The following BLTP3A variants were observed in gnomAD, a reference collection of about 807,000 sequenced individuals.
BLTP3A encodes the protein ICBP90 binding protein 1.
the BLTP3A span, among the ~76,000 whole-genome samples, chr6:34,826,923 A>G: frequency 6.6e-6 from 1 of 152,224 alleles, no homozygotes; most frequent in African/African-American, 2.4e-5. Context: ...GAGAAACGCT[A>G]TTTAGAGACT....
chr6:34,859,577 T>C, the BLTP3A span: 2 of 1,613,432 alleles, frequency 1.2e-6, no homozygotes, highest in Non-Finnish European at 1.7e-6. Flanking sequence ...GCCAAGTAAG[T>C]GGCTCTGTAC....
the BLTP3A span, among the ~76,000 whole-genome samples, chr6:34,842,906 G>A: frequency 7.2e-5 from 11 of 152,226 alleles, no homozygotes; most frequent in African/African-American, 2.6e-4. Context: ...TGCTTTGCTA[G>A]TGTTACTTAT....
At chr6:34,869,723 C>G in the BLTP3A span, among the ~76,000 whole-genome samples, 1 of 143,048 alleles carries the variant, frequency 7.0e-6, no homozygotes, top group Non-Finnish European at 1.5e-5. Flanking sequence ...GCAATCTCAG[C>G]CCACTGCAAC....
chr6:34,841,601 C>T, the BLTP3A span, among the ~76,000 whole-genome samples: 4 of 152,248 alleles, frequency 2.6e-5, no homozygotes, highest in Middle Eastern at 3.4e-3. Context: ...TTGGACAGTG[C>T]TGCTCTAGAG....
the BLTP3A span, among the ~76,000 whole-genome samples, chr6:34,833,379 C>G: frequency 6.6e-6 from 1 of 151,614 alleles, no homozygotes; most frequent in Non-Finnish European, 1.5e-5. Flanking sequence ...TTTCTTACCA[C>G]TACTTATGCA....
the BLTP3A span, among the ~76,000 whole-genome samples, chr6:34,828,521 A>G: frequency 6.6e-6 from 1 of 151,210 alleles, no homozygotes; most frequent in Non-Finnish European, 1.5e-5. Flanking sequence ...TAGAAGTGTG[A>G]AGAGATGTTC....
the BLTP3A span, among the ~76,000 whole-genome samples, chr6:34,822,815 C>T: frequency 4.0e-5 from 6 of 151,418 alleles, no homozygotes; most frequent in Non-Finnish European, 7.4e-5. Context: ...CGAGATCACC[C>T]TGCAGCCTGG....
the BLTP3A span, chr6:34,875,670 C>G: frequency 5.9e-5 from 9 of 152,268 alleles, 1 homozygote; most frequent in African/African-American, 2.2e-4. Context: ...TTCTGTCTTT[C>G]CTTATGTGGC....
chr6:34,854,558 T>C, the BLTP3A span, among the ~76,000 whole-genome samples: 2 of 152,200 alleles, frequency 1.3e-5, no homozygotes, highest in African/African-American at 4.8e-5. Context: ...TGTTAACATA[T>C]ATATTTGTGG....
chr6:34,808,590 T>G, the BLTP3A span, among the ~76,000 whole-genome samples: 22,095 of 151,862 alleles, frequency 0.15, 1,955 homozygotes, highest in African/African-American at 0.25. Flanking sequence ...AACACCTTTT[T>G]TTTTTTCTGT....
chr6:34,826,044 T>TA, the BLTP3A span, among the ~76,000 whole-genome samples: 1 of 149,442 alleles, frequency 6.7e-6, no homozygotes, highest in African/African-American at 2.5e-5. Context: ...TTTTTTTTTT[T>TA]TTTGAGATGG....
the BLTP3A span, chr6:34,874,225 G>C: frequency 6.6e-6 from 1 of 152,162 alleles, no homozygotes; most frequent in East Asian, 1.9e-4. Context: ...TAATCTAGAA[G>C]AGGTTTAAAA....
chr6:34,856,804 C>T, the BLTP3A span: 26 of 1,613,314 alleles, frequency 1.6e-5, no homozygotes, highest in Non-Finnish European at 2.2e-5. Context: ...TCTTTCCAGT[C>T]CTCGAAAGAA....
the BLTP3A span, chr6:34,859,465 A>G: frequency 2.7e-4 from 428 of 1,614,204 alleles, no homozygotes; most frequent in Non-Finnish European, 3.5e-4. Context: ...ACATGCCACC[A>G]TGGACCTCAC....
chr6:34,856,536 C>A, the BLTP3A span: 1 of 1,306,526 alleles, frequency 7.7e-7, no homozygotes. Context: ...ACATCAGTGA[C>A]TTTTTTCTTT....
chr6:34,824,569 A>AC, the BLTP3A span, among the ~76,000 whole-genome samples: 3 of 151,464 alleles, frequency 2.0e-5, no homozygotes, highest in Non-Finnish European at 4.4e-5. Flanking sequence ...AAAAAAAAAA[A>AC]AAAACCCAAG....
the BLTP3A span, among the ~76,000 whole-genome samples, chr6:34,853,467 G>T: frequency 6.6e-6 from 1 of 152,058 alleles, no homozygotes; most frequent in East Asian, 1.9e-4. Context: ...GCCCAGCCTG[G>T]ATAGTTGTTC....
the BLTP3A span, among the ~76,000 whole-genome samples, chr6:34,802,845 T>C: frequency 1.1e-4 from 17 of 152,188 alleles, no homozygotes; most frequent in Non-Finnish European, 1.9e-4. Flanking sequence ...TTTGAAATCA[T>C]GTGCGTAAGT....
the BLTP3A span, chr6:34,875,814 A>G: frequency 6.6e-6 from 1 of 152,352 alleles, no homozygotes; most frequent in African/African-American, 2.4e-5. Context: ...AAGTGGTGGT[A>G]GTCCTCAGGA....
Sources: gnomAD v4.1 joint callset for allele counts (sites outside exome capture counted in the v4.1 genomes callset) on GRCh38, gnomAD v4.1.1 for gene constraint, MANE v1.5 for transcripts, NCBI Gene and HGNC (gene_info 2026-07-23, HGNC 2026-07-21) for gene names.